The following SLC12A9 variants were observed in gnomAD, a reference collection of about 807,000 sequenced individuals.
The protein encoded by SLC12A9 is solute carrier family 12 member 9, also known as CCC-interacting protein 1.
SLC12A9 carries 55 observed loss-of-function variants against 66.0 expected under a neutral mutation model. That is an observed-to-expected ratio of 0.83 (90% CI 0.67 to 1.04). SLC12A9 has a LOEUF of 1.04. SLC12A9 is among the 50% of genes least tolerant of loss of function. SLC12A9 has a pLI of 0.00. For missense variants in SLC12A9, 1,061 were observed against 1,241.9 expected, an observed-to-expected ratio of 0.85 and a Z score of 2.19; for synonymous variants, 577 against 569.0, an observed-to-expected ratio of 1.01 and a Z score of -0.20.
In SLC12A9 at chr7:100,861,960, T is replaced by C; in HGVS notation, c.1711+49T>C. ...ACTCACTCCCATCCTTCTCTCCCCC[T>C]ACCTTTTTTTTTTTTTTGAGATGGA... On this transcript the variant is annotated intron_variant, in intron 12 of 13. Transcript: ENST00000354161. This position sits in a 1 kb window ranked among gnomAD's most constrained non-coding sequence, Gnocchi z 5.3. 7.1e-7 allele frequency: 1 copy of C among 1,408,558 alleles called. No individual in the cohort carries two copies. The highest frequency in any genetic ancestry group is 9.5e-7 in the Non-Finnish European group (1 of 1,051,296). 87.3% of individuals were successfully genotyped at this position (1,408,558 alleles called of 1,614,324 possible).
chr7:100,857,118 G>T lies in SLC12A9; in HGVS notation c.699G>T (p.Pro233=), dbSNP rs745820372. 1.2e-6 allele frequency: 2 copies of T among 1,614,166 alleles called. No individual in the cohort carries two copies. The highest frequency in any genetic ancestry group is 1.3e-5 in the African/African-American group (1 of 75,058). ...CTGGCCCCAATGGCTCCTCCCTGCC[G>T]CCCCGGTTTGGCCACTTCACCGGCT... The part of the protein sequence containing the change: ...PRPGPNGSSL[P]PRFGHFTGFN... Residue 233 remains proline, a synonymous_variant, in exon 5 of 14, where the codon CCG becomes CCT. Coordinates refer to ENST00000354161, the MANE Select transcript of SLC12A9 (RefSeq NM_020246.4).
In SLC12A9 at chr7:100,866,153, C is replaced by T. The variant is rs145941674; in HGVS notation, c.2293C>T (p.Arg765Trp). The change falls in exon 14 of 14, where the codon CGG becomes TGG. Residue 765 changes from arginine (R) to tryptophan (W), a missense_variant. Transcript: ENST00000354161. This position sits in a 1 kb window ranked among gnomAD's most constrained non-coding sequence, Gnocchi z 7.3. ...LGMVPAWHSA[R>W]LRIFLCLGPR... is the part of the protein sequence containing the mutation. ...CATGGTGCCCGCTTGGCATAGCGCCCGGCTCCGGATCTTCCTGTGCCTGGG... is the reference window on the plus strand; with the variant it reads ...CATGGTGCCCGCTTGGCATAGCGCCTGGCTCCGGATCTTCCTGTGCCTGGG... 220 of 1,612,670 alleles carry T rather than the reference C, an allele frequency of 1.4e-4. No individual in the cohort carries two copies. Among genetic ancestry groups the T allele is most frequent in the Non-Finnish European group, 1.7e-4 (203 of 1,179,786 alleles).
rs747309463 is a variant in SLC12A9, at chr7:100,861,867, AG to A, written c.1674del (p.Leu559CysfsTer36). ...PLLRLANQLK[K>X]GGLYVLGHVT... Reference sequence around the variant, plus strand: ...CTGCGGTTGGCCAACCAGCTTAAGAAGGGGGGGCTGTATGTGCTGGGCCACG... The same window carrying A: ...CTGCGGTTGGCCAACCAGCTTAAGAAGGGGGGCTGTATGTGCTGGGCCACG... On this transcript the variant is annotated frameshift_variant, in exon 12 of 14. Transcript: ENST00000354161. LOFTEE classifies it high-confidence loss of function. This position sits in a 1 kb window ranked among gnomAD's most constrained non-coding sequence, Gnocchi z 5.3. 6 of 1,613,130 alleles carry A rather than the reference AG, an allele frequency of 3.7e-6. No homozygotes were observed. Among genetic ancestry groups the A allele is most frequent in the Admixed American group, 1.7e-5 (1 of 59,908 alleles).
Position 100,865,953 on chromosome 7 carries a change from T to C in SLC12A9, c.2093T>C (p.Val698Ala). The change falls in exon 14 of 14, where the codon GTG (valine) becomes GCG (alanine). Residue 698 changes from valine to alanine, a missense_variant. Transcript: ENST00000354161. ...GCCCTCAAGATGAACAAGAATGTGG[T>C]GCTGGCCCGGGCCAGCGGGGCCTTG... ...ADALKMNKNV[V>A]LARASGALPP... is the part of the protein sequence containing the mutation. The C allele has an allele frequency of 6.2e-7, 1 of 1,613,200 alleles. No individual in the cohort carries two copies. The highest frequency in any genetic ancestry group is 8.5e-7 in the Non-Finnish European group (1 of 1,179,950).
chr7:100,836,199 G>C (rs965327344), intron 1 of SLC12A9, among the ~76,000 whole-genome samples: 1 of 152,218 alleles, frequency 6.6e-6, no homozygotes, highest in Non-Finnish European at 1.5e-5. Flanking sequence ...CTGGCTCTAG[G>C]AGGGAAAGTA....
At chr7:100,854,409 A>G (rs1024247479) in intron 2 of SLC12A9, 31 bp downstream of exon 2, 13 of 1,605,064 alleles carry the variant, frequency 8.1e-6, no homozygotes, top group South Asian at 2.2e-5. Context: ...GTGTGGACTG[A>G]CTATAGTATG....
chr7:100,844,650 A>G (rs1813867386), intron 1 of SLC12A9, among the ~76,000 whole-genome samples: 1 of 152,174 alleles, frequency 6.6e-6, no homozygotes, highest in Non-Finnish European at 1.5e-5. Context: ...CACCTTCAGA[A>G]AGGAAAAAAT....
chr7:100,865,409 G>A (rs1351673477), intron 13 of SLC12A9: 3 of 1,536,020 alleles, frequency 2.0e-6, no homozygotes, highest in Non-Finnish European at 2.6e-6. Context: ...CTAGAAGCCG[G>A]GAGTGGACAG....
chr7:100,833,061 C>T (rs1813573191), intron 1 of SLC12A9, among the ~76,000 whole-genome samples: 2 of 152,232 alleles, frequency 1.3e-5, no homozygotes, highest in South Asian at 4.1e-4. Context: ...CAGGTGTGAT[C>T]CACTGCACCT....
In SLC12A9 at chr7:100,854,278, G is replaced by C; in HGVS notation, c.81G>C (p.Gly27=). ...EGVALPANGA[G]GPGGASARKL... ...TTGCCCTCCCTGCCAATGGGGCCGG[G>C]GGTCCTGGAGGGGCGTCTGCCCGGA... Residue 27 remains glycine, a synonymous_variant, in exon 2 of 14, where the codon GGG becomes GGC. Coordinates refer to ENST00000354161, the MANE Select transcript of SLC12A9 (RefSeq NM_020246.4). 6.3e-7 allele frequency: 1 copy of C among 1,595,168 alleles called. No individual in the cohort carries two copies. The highest frequency in any genetic ancestry group is 8.5e-7 in the Non-Finnish European group (1 of 1,175,214).
At chr7:100,859,643 C>T (rs528840317) in intron 7 of SLC12A9, 13 of 498,864 alleles carry the variant, frequency 2.6e-5, no homozygotes, top group Admixed American at 7.3e-5. Flanking sequence ...TCCAAGAGGT[C>T]GAGGCTGCAG....
At chr7:100,844,507 A>G (rs1305393646) in intron 1 of SLC12A9, among the ~76,000 whole-genome samples, 1 of 152,172 alleles carries the variant, frequency 6.6e-6, no homozygotes, top group African/African-American at 2.4e-5. Flanking sequence ...TAGTTCTCTT[A>G]ATTAGAAAAG....
At chr7:100,828,324 A>G (rs952168587) in intron 1 of SLC12A9, among the ~76,000 whole-genome samples, 1 of 151,766 alleles carries the variant, frequency 6.6e-6, no homozygotes, top group African/African-American at 2.4e-5. Context: ...GGATCATTTG[A>G]GGTCAGGAGT....
At position 100,858,782 on chromosome 7, in the gene SLC12A9, G is replaced by A. The variant is rs529361291; in HGVS notation, c.758-53G>A. On this transcript the variant is annotated intron_variant, in intron 5 of 13. Transcript: ENST00000354161. ...TGTGGAGAGGGTGGCTAAGAGGCCTGGATCCCTGAGACGGATGCTGATGCA... is the reference window on the plus strand; with the variant it reads ...TGTGGAGAGGGTGGCTAAGAGGCCTAGATCCCTGAGACGGATGCTGATGCA... 1.6e-4 allele frequency: 245 copies of A among 1,577,296 alleles called. No individual in the cohort carries two copies. In the African/African-American group the frequency reaches 3.1e-3, roughly 20 times the overall value.
Position 100,861,870 on chromosome 7 carries a change from G to T in SLC12A9, c.1670G>T (p.Gly557Val). 5.6e-6 allele frequency: 9 copies of T among 1,613,412 alleles called. No homozygotes were observed. The highest frequency in any genetic ancestry group is 7.6e-6 in the Non-Finnish European group (9 of 1,179,698). Residue 557 changes from glycine (G) to valine (V), a missense_variant, in exon 12 of 14, where the codon GGG becomes GTG. Gly to Val is a moderately radical substitution (Grantham distance 109, BLOSUM62 -3). Coordinates refer to ENST00000354161, the MANE Select transcript of SLC12A9 (RefSeq NM_020246.4). This position sits in a 1 kb window ranked among gnomAD's most constrained non-coding sequence, Gnocchi z 5.3. ...CGGTTGGCCAACCAGCTTAAGAAGG[G>T]GGGGCTGTATGTGCTGGGCCACGTC... ...LLRLANQLKK[G>V]GLYVLGHVTL...
At chr7:100,838,554 G>A (rs1813714898) in intron 1 of SLC12A9, among the ~76,000 whole-genome samples, 1 of 152,056 alleles carries the variant, frequency 6.6e-6, no homozygotes, top group Non-Finnish European at 1.5e-5. Context: ...GTCTCACTCT[G>A]TCACCAAGGC....
In SLC12A9 at chr7:100,861,731, A is replaced by G. The variant is rs1814767691; in HGVS notation, c.1537-6A>G. ...CACTTCCCCACTGCCTCACCCCTAT[A>G]CCCAGGTGCGTAAGTATCTGCTTCG... On this transcript the variant is annotated splice_polypyrimidine_tract_variant and splice_region_variant and intron_variant, in intron 11 of 13. Coordinates refer to ENST00000354161, the MANE Select transcript of SLC12A9 (RefSeq NM_020246.4). This position sits in a 1 kb window ranked among gnomAD's most constrained non-coding sequence, Gnocchi z 5.3. The G allele has an allele frequency of 6.2e-7, 1 of 1,613,708 alleles. No homozygotes were observed. The highest frequency in any genetic ancestry group is 8.5e-7 in the Non-Finnish European group (1 of 1,179,940).
At chr7:100,844,802 C>T (rs1041448263) in intron 1 of SLC12A9, among the ~76,000 whole-genome samples, 2 of 151,972 alleles carry the variant, frequency 1.3e-5, no homozygotes, top group Non-Finnish European at 2.9e-5. Context: ...TATCTTAGTT[C>T]GAGGAGAAGT....
chr7:100,864,641 C>T (rs1814965635), intron 13 of SLC12A9, among the ~76,000 whole-genome samples: 2 of 152,142 alleles, frequency 1.3e-5, no homozygotes, highest in South Asian at 2.1e-4. Flanking sequence ...CTCGGTGGCT[C>T]AGAGTGTGGC....
Sources: allele counts gnomAD v4.1 joint callset (sites outside exome capture counted in the v4.1 genomes callset), GRCh38; gene constraint gnomAD v4.1.1; non-coding constraint Gnocchi (gnomAD v3.1); transcripts MANE v1.5; gene names NCBI Gene and HGNC (gene_info 2026-07-23, HGNC 2026-07-21).